Variants in BNC2 observed in about 807,000 individuals in gnomAD.
BNC2 encodes basonuclin zinc finger protein 2, also known as zinc finger protein basonuclin-2.
In BNC2, 20 loss-of-function variants were observed where a neutral mutation model predicts 76.3. The observed-to-expected ratio is 0.26, with a 90% CI of 0.18 to 0.38. The LOEUF is 0.38. Ranked by LOEUF, BNC2 falls within the 10% of genes least tolerant of loss-of-function variation. The pLI is 1.00. For missense variants in BNC2, 1,382 were observed against 1,399.8 expected (o/e 0.99, Z 0.20); for synonymous variants, 582 against 514.8 (o/e 1.13, Z -1.77).
rs1012860661 is a variant in BNC2, at chr9:16,795,001, G to A, written c.4-56516C>T. Among the ~76,000 whole-genome samples, 4 of 152,032 alleles carry A rather than the reference G, an allele frequency of 2.6e-5. No individual in the cohort carries two copies. The East Asian group carries it at 7.7e-4, about 29-fold the overall frequency. On this transcript the variant is annotated intron_variant, in intron 1 of 6. Coordinates refer to ENST00000380672, the MANE Select transcript of BNC2 (RefSeq NM_017637.6). ...ATACTCTCTCCTCCTCCATGCCCAC[G>A]AACAGCCCAAGACTTGGAATCATTC...
chr9:16,469,059 A>G (rs1373804801), intron 5 of BNC2, among the ~76,000 whole-genome samples: 1 of 152,250 alleles, frequency 6.6e-6, no homozygotes, highest in Non-Finnish European at 1.5e-5. Context: ...GTGCTATGGA[A>G]CATTATACTT....
chr9:16,785,024 A>G (rs542521124), intron 1 of BNC2, among the ~76,000 whole-genome samples: 2 of 152,366 alleles, frequency 1.3e-5, no homozygotes, highest in African/African-American at 4.8e-5. Context: ...TGAATACAGT[A>G]TTCTCTGTAT....
chr9:16,428,822 C>T (rs987118074), intron 6 of BNC2, among the ~76,000 whole-genome samples: 1 of 152,170 alleles, frequency 6.6e-6, no homozygotes, highest in African/African-American at 2.4e-5. Flanking sequence ...GGTGTAACAG[C>T]TTTTTACCAG....
intron 3 of BNC2, among the ~76,000 whole-genome samples, chr9:16,656,870 T>G (rs1347629262): frequency 1.3e-5 from 2 of 152,308 alleles, no homozygotes; most frequent in African/African-American, 4.8e-5. Flanking sequence ...GCACTGGGGA[T>G]GCAGAATAAT....
At chr9:16,590,886 T>C (rs1281748746) in intron 3 of BNC2, among the ~76,000 whole-genome samples, 1 of 152,158 alleles carries the variant, frequency 6.6e-6, no homozygotes, top group Non-Finnish European at 1.5e-5. Context: ...ATCTGAAAGC[T>C]AATTATTCCA....
At chr9:16,451,487 G>A (rs1191215543) in intron 5 of BNC2, among the ~76,000 whole-genome samples, 4 of 151,100 alleles carry the variant, frequency 2.6e-5, no homozygotes, top group African/African-American at 9.8e-5. Flanking sequence ...CCTCTTACCT[G>A]GCATCTGAAG....
chr9:16,857,480 T>TAAAAAAAAAAA (rs60082380), intron 1 of BNC2, among the ~76,000 whole-genome samples: 1 of 75,676 alleles, frequency 1.3e-5, no homozygotes, highest in African/African-American at 4.9e-5. Context: ...CTGTCTCAAA[T>TAAAAAAAAAAA]AAAAAAAAAA....
chr9:16,623,203 T>G (rs1172273705), intron 3 of BNC2, among the ~76,000 whole-genome samples: 2 of 152,134 alleles, frequency 1.3e-5, no homozygotes, highest in East Asian at 3.9e-4. Flanking sequence ...CGTATTCCAG[T>G]AAACGAGACA....
chr9:16,720,517 T>A (rs1824125086), intron 3 of BNC2, among the ~76,000 whole-genome samples: 1 of 152,162 alleles, frequency 6.6e-6, no homozygotes, highest in South Asian at 2.1e-4. Flanking sequence ...AACATTACAG[T>A]TCAAAAGCAT....
At chr9:16,644,099 C>G (rs1018036638) in intron 3 of BNC2, among the ~76,000 whole-genome samples, 1 of 152,274 alleles carries the variant, frequency 6.6e-6, no homozygotes, top group East Asian at 1.9e-4. Context: ...CATCAAAAGA[C>G]TTTGAAATAT....
At chr9:16,767,181 T>C (rs144082771) in intron 1 of BNC2, among the ~76,000 whole-genome samples, 4 of 152,294 alleles carry the variant, frequency 2.6e-5, no homozygotes, top group Non-Finnish European at 5.9e-5. Context: ...GATGGTAGAC[T>C]CTCTCCATAT....
intron 3 of BNC2, among the ~76,000 whole-genome samples, chr9:16,703,987 A>C (rs2134619080): frequency 6.6e-6 from 1 of 152,342 alleles, no homozygotes; most frequent in Non-Finnish European, 1.5e-5. Context: ...AGAAAGAATT[A>C]AGGTTTGAAA....
intron 5 of BNC2, among the ~76,000 whole-genome samples, chr9:16,462,240 T>C: frequency 6.6e-6 from 1 of 152,182 alleles, no homozygotes; most frequent in East Asian, 1.9e-4. Context: ...AAAAAATTAT[T>C]AAAGCCAGTT....
chr9:16,430,089 G>C (rs1429518468), intron 6 of BNC2: 1 of 455,758 alleles, frequency 2.2e-6, no homozygotes, highest in African/African-American at 2.0e-5. Context: ...CAATTACTCA[G>C]GAGGGGGATG....
chr9:16,817,806 G>T (rs1159093272), intron 1 of BNC2, among the ~76,000 whole-genome samples: 1 of 152,092 alleles, frequency 6.6e-6, no homozygotes, highest in African/African-American at 2.4e-5. Flanking sequence ...GGCACTGCTT[G>T]GGACACTTGG....
intron 5 of BNC2, among the ~76,000 whole-genome samples, chr9:16,468,702 T>A (rs1328510827): frequency 1.3e-5 from 2 of 152,116 alleles, no homozygotes; most frequent in Admixed American, 1.3e-4. Flanking sequence ...ATATGCAGTA[T>A]CTTGAATAAT....
At chr9:16,745,168 A>G (rs1046074608) in intron 1 of BNC2, among the ~76,000 whole-genome samples, 5 of 152,208 alleles carry the variant, frequency 3.3e-5, no homozygotes, top group Non-Finnish European at 7.3e-5. Flanking sequence ...TTAGTGCAAA[A>G]GGTGTAGCCA....
intron 4 of BNC2, among the ~76,000 whole-genome samples, chr9:16,568,322 C>T (rs960905868): frequency 1.3e-5 from 2 of 152,036 alleles, no homozygotes; most frequent in African/African-American, 4.8e-5. Flanking sequence ...TTTCTGGGGT[C>T]AGATTTTAAA....
In BNC2 at chr9:16,780,050, C is replaced by T. The variant is rs547078444; in HGVS notation, c.4-41565G>A. ...AGCAGATCGAGACCATCCTGGCTAA[C>T]ATGGTGAAACCCCATCTCTACTAAA... On this transcript the variant is annotated intron_variant, in intron 1 of 6. Transcript: ENST00000380672. Among the ~76,000 whole-genome samples the T allele has an allele frequency of 4.0e-5, 6 of 151,170 alleles. No homozygotes were observed. The South Asian group carries it at 1.0e-3, about 26-fold the overall frequency.
Sources: allele counts gnomAD v4.1 joint callset (sites outside exome capture counted in the v4.1 genomes callset), GRCh38; gene constraint gnomAD v4.1.1; transcripts MANE v1.5; gene names NCBI Gene and HGNC (gene_info 2026-07-23, HGNC 2026-07-21).